Variants in ADAMTS17 observed in about 807,000 individuals in gnomAD.
ADAMTS17 encodes the protein A disintegrin and metalloproteinase with thrombospondin motifs 17.
Under a neutral mutation model 141.5 loss-of-function variants are expected in ADAMTS17, and 113 were observed. The observed-to-expected ratio is 0.80, with a 90% CI of 0.69 to 0.93. The LOEUF (loss-of-function observed/expected upper bound fraction) is 0.93. Among genes scored for constraint, ADAMTS17 ranks in the 40% least tolerant of loss-of-function variants. The pLI is 0.00. For synonymous variants in ADAMTS17, 768 were observed against 630.6 expected, an observed-to-expected ratio of 1.22 and a Z score of -3.27; for missense variants, 1,659 against 1,517.9, an observed-to-expected ratio of 1.09 and a Z score of -1.54.
At chr15:100,115,457 G>A (rs1030040547) in intron 13 of ADAMTS17, among the ~76,000 whole-genome samples, 3 of 152,192 alleles carry the variant, frequency 2.0e-5, no homozygotes, top group African/African-American at 7.2e-5. Context: ...TTTTAAAAAA[G>A]GACAATGATG....
At chr15:100,130,397 T>C (rs1004290812) in intron 12 of ADAMTS17, among the ~76,000 whole-genome samples, 1 of 151,270 alleles carries the variant, frequency 6.6e-6, no homozygotes, top group East Asian at 1.9e-4. Context: ...CCTAACAGAC[T>C]AAACACCTAT....
intron 8 of ADAMTS17, among the ~76,000 whole-genome samples, chr15:100,163,115 G>A (rs929651955): frequency 2.0e-5 from 3 of 150,930 alleles, no homozygotes; most frequent in Non-Finnish European, 2.9e-5. Context: ...TAGGTATATA[G>A]GACAGGTATA....
At chr15:100,095,930 AC>A (rs1245837303) in intron 15 of ADAMTS17, among the ~76,000 whole-genome samples, 4 of 152,216 alleles carry the variant, frequency 2.6e-5, no homozygotes, top group African/African-American at 9.7e-5. Flanking sequence ...GGCTTCATGC[AC>A]GTTTTAGAAA....
chr15:100,259,157 A>C (rs2043431302), intron 6 of ADAMTS17, among the ~76,000 whole-genome samples: 1 of 152,252 alleles, frequency 6.6e-6, no homozygotes, highest in Non-Finnish European at 1.5e-5. Flanking sequence ...TTGGGAGTTT[A>C]GCTGCATATT....
intron 2 of ADAMTS17, among the ~76,000 whole-genome samples, chr15:100,332,495 T>C (rs1226685303): frequency 1.3e-5 from 2 of 152,196 alleles, no homozygotes; most frequent in Non-Finnish European, 2.9e-5. Flanking sequence ...GCTGCACTCA[T>C]TTGGAAACAC....
At chr15:100,152,864 C>T (rs2039244669) in intron 9 of ADAMTS17, 102 bp from the exon 10 acceptor site, 6 of 1,431,508 alleles carry the variant, frequency 4.2e-6, no homozygotes, top group Admixed American at 2.2e-5. Context: ...GAGAAGAGGG[C>T]ACCTCCACGT....
At chr15:100,176,647 C>T (rs568494819) in intron 8 of ADAMTS17, among the ~76,000 whole-genome samples, 2 of 152,204 alleles carry the variant, frequency 1.3e-5, no homozygotes, top group South Asian at 2.1e-4. Flanking sequence ...CTTATACATG[C>T]GTTCATTCAT....
At chr15:100,103,715 A>T (rs1043277200) in intron 14 of ADAMTS17, among the ~76,000 whole-genome samples, 5 of 152,132 alleles carry the variant, frequency 3.3e-5, no homozygotes, top group African/African-American at 4.8e-5. Context: ...AGCTGGAATT[A>T]TGGGCATGCA....
intron 18 of ADAMTS17, among the ~76,000 whole-genome samples, chr15:100,008,510 G>C (rs7163054): frequency 0.28 from 43,045 of 152,186 alleles, 9,069 homozygotes; most frequent in African/African-American, 0.6. Flanking sequence ...AAGGAGGCCA[G>C]GGCCCGGGGG....
At chr15:100,286,134 A>T (rs2044439166) in intron 3 of ADAMTS17, among the ~76,000 whole-genome samples, 1 of 151,966 alleles carries the variant, frequency 6.6e-6, no homozygotes, top group African/African-American at 2.4e-5. Flanking sequence ...AGCCTCTCCC[A>T]CCACTTTGTC....
chr15:100,127,991 G>T (rs544641318), intron 12 of ADAMTS17, among the ~76,000 whole-genome samples: 4 of 152,020 alleles, frequency 2.6e-5, no homozygotes, highest in African/African-American at 9.7e-5. Context: ...AACCCAGTGC[G>T]TGGTGCAGGT....
At chr15:100,230,576 A>G (rs952186053) in intron 7 of ADAMTS17, among the ~76,000 whole-genome samples, 2 of 152,178 alleles carry the variant, frequency 1.3e-5, no homozygotes, top group African/African-American at 4.8e-5. Context: ...GAAAAGTCTA[A>G]TTGTCCTGAG....
intron 15 of ADAMTS17, among the ~76,000 whole-genome samples, chr15:100,093,301 C>A (rs1388501343): frequency 6.6e-6 from 1 of 152,146 alleles, no homozygotes. Flanking sequence ...AGAGGACCCA[C>A]AGGAGTTCAG....
chr15:100,153,003 G>C (rs7184007), intron 9 of ADAMTS17, among the ~76,000 whole-genome samples: 1,520 of 30,478 alleles, frequency 0.05, 27 homozygotes, highest in African/African-American at 0.086. Context: ...GACTCGGGAG[G>C]GGCATAGGAA....
At chr15:100,198,294 A>G (rs2041196491) in intron 8 of ADAMTS17, among the ~76,000 whole-genome samples, 1 of 152,228 alleles carries the variant, frequency 6.6e-6, no homozygotes. Flanking sequence ...TCACTCATAA[A>G]AAAACAAACA....
At chr15:100,085,268 T>C (rs1232114937) in intron 15 of ADAMTS17, among the ~76,000 whole-genome samples, 1 of 151,318 alleles carries the variant, frequency 6.6e-6, no homozygotes, top group Non-Finnish European at 1.5e-5. Context: ...AAGAATGAAA[T>C]GAAGTGAGAA....
chr15:100,203,085 C>A (rs954993555), intron 7 of ADAMTS17, among the ~76,000 whole-genome samples: 1 of 152,356 alleles, frequency 6.6e-6, no homozygotes, highest in East Asian at 1.9e-4. Context: ...ATGGGCTTGA[C>A]TGCTCTGAAC....
chr15:100,190,435 T>C lies in ADAMTS17; in HGVS notation c.1181+8883A>G, dbSNP rs185008125. ...AAGCGCCCTTTCCCAGAACGTGCCA[T>C]TGAGTGGGCTGGTGGCAAGGTCCCC... On this transcript the variant is annotated intron_variant, in intron 8 of 21. Coordinates refer to ENST00000268070, the MANE Select transcript of ADAMTS17 (RefSeq NM_139057.4). Among the ~76,000 whole-genome samples, 70 of 152,288 alleles carry C rather than the reference T, an allele frequency of 4.6e-4. 1 individual carries two copies. The East Asian group carries it at 0.013, about 29-fold the overall frequency.
intron 21 of ADAMTS17, 98 bp downstream of exon 21, chr15:99,975,947 A>C (rs2060314139): frequency 1.5e-6 from 2 of 1,350,498 alleles, no homozygotes; most frequent in East Asian, 2.5e-5. Flanking sequence ...AGGCCCAAGA[A>C]GGGGCTTTCT....
Sources: gnomAD v4.1 joint callset for allele counts (sites outside exome capture counted in the v4.1 genomes callset) on GRCh38, gnomAD v4.1.1 for gene constraint, MANE v1.5 for transcripts, NCBI Gene and HGNC (gene_info 2026-07-23, HGNC 2026-07-21) for gene names.